The following LRRC2 variants were observed in gnomAD, a reference collection of about 807,000 sequenced individuals.
The protein encoded by LRRC2 is leucine-rich repeat-containing protein 2.
In LRRC2, 27 loss-of-function variants were observed where a neutral mutation model predicts 40.2. That is an observed-to-expected ratio of 0.67 (90% CI 0.49 to 0.93). The LOEUF is 0.93. LRRC2 is among the 40% of genes least tolerant of loss of function. LRRC2 has a pLI of 0.00. For synonymous variants in LRRC2, 147 were observed against 158.9 expected (o/e 0.92, Z 0.56); for missense variants, 402 against 439.6 (o/e 0.91, Z 0.76).
chr3:46,528,307 T>A (rs79411190), intron 6 of LRRC2, among the ~76,000 whole-genome samples: 6 of 140,366 alleles, frequency 4.3e-5, no homozygotes, highest in African/African-American at 8.0e-5. Context: ...TTTTTTTTTT[T>A]AATGAGAAAG....
chr3:46,539,802 C>G (rs1704346519), intron 3 of LRRC2, among the ~76,000 whole-genome samples: 2 of 152,188 alleles, frequency 1.3e-5, no homozygotes, highest in African/African-American at 4.8e-5. Context: ...TCCCCTAGCT[C>G]AAGTGTTCTG....
At chr3:46,542,665 C>T (rs1393951973) in intron 3 of LRRC2, among the ~76,000 whole-genome samples, 2 of 152,112 alleles carry the variant, frequency 1.3e-5, no homozygotes, top group African/African-American at 4.8e-5. Context: ...TCACAGAATT[C>T]ATCCATTTGA....
At chr3:46,560,971 G>A (rs905293341) in intron 1 of LRRC2, among the ~76,000 whole-genome samples, 2 of 152,164 alleles carry the variant, frequency 1.3e-5, no homozygotes, top group Non-Finnish European at 2.9e-5. Context: ...TTAGATTAAG[G>A]AAAATAATGC....
chr3:46,529,198 T>C (rs1291745403), intron 6 of LRRC2, among the ~76,000 whole-genome samples: 1 of 152,168 alleles, frequency 6.6e-6, no homozygotes, highest in Admixed American at 6.5e-5. Flanking sequence ...TTCTCTAGGC[T>C]TGCCATACAG....
chr3:46,545,368 G>C, intron 2 of LRRC2, 115 bp from the exon 3 acceptor site: 1 of 830,470 alleles, frequency 1.2e-6, no homozygotes, highest in Admixed American at 2.2e-5. Flanking sequence ...CCAGGCCTAC[G>C]TAAGCACTCC....
chr3:46,544,021 T>C (rs1259033886), intron 3 of LRRC2, among the ~76,000 whole-genome samples: 1 of 152,170 alleles, frequency 6.6e-6, no homozygotes, highest in Admixed American at 6.5e-5. Context: ...ATAAGAATGA[T>C]AAAAACCCAT....
At position 46,527,554 on chromosome 3, in the gene LRRC2, C is replaced by T. The variant is rs374252618; in HGVS notation, c.801G>A (p.Leu267=). The T allele has an allele frequency of 2.4e-5, 39 of 1,613,900 alleles. No homozygotes were observed. The highest frequency in any genetic ancestry group is 3.2e-5 in the Non-Finnish European group (38 of 1,179,922). The change falls in exon 7 of 9, where the codon TTG becomes TTA. Residue 267 remains leucine, a synonymous_variant. Transcript: ENST00000395905. ...GAAGGTAGGTCAACTTGTTTTTATACAAGAGAAAGCTCTGCAGCTCCTCTA... is the reference window on the plus strand; with the variant it reads ...GAAGGTAGGTCAACTTGTTTTTATATAAGAGAAAGCTCTGCAGCTCCTCTA... ...DRLEELQSFL[L]YKNKLTYLPY...
At chr3:46,547,275 T>C (rs1704546311) in intron 2 of LRRC2, among the ~76,000 whole-genome samples, 1 of 152,230 alleles carries the variant, frequency 6.6e-6, no homozygotes, top group African/African-American at 2.4e-5. Flanking sequence ...CACAGCTCTA[T>C]AGGTCTCAGT....
chr3:46,525,464 C>T (rs1371612335), intron 7 of LRRC2, among the ~76,000 whole-genome samples: 4 of 151,862 alleles, frequency 2.6e-5, no homozygotes, highest in Non-Finnish European at 5.9e-5. Context: ...TTACCCACAC[C>T]GATCTCGAAC....
At chr3:46,547,507 GA>G (rs1704551440) in intron 2 of LRRC2, among the ~76,000 whole-genome samples, 1 of 128,204 alleles carries the variant, frequency 7.8e-6, no homozygotes. Context: ...AAAAAAAAAA[GA>G]AAGCGGGGCT....
At position 46,535,271 on chromosome 3, in the gene LRRC2, A is replaced by G. The variant is rs1009223467; in HGVS notation, c.491-2362T>C. 2.0e-5 allele frequency among the ~76,000 whole-genome samples: 3 copies of G among 152,240 alleles called. No individual in the cohort carries two copies. The South Asian group carries it at 6.2e-4, about 31-fold the overall frequency. The stretch of plus-strand genomic sequence containing the variant: ...AATGATGAAAAATTGTGATACTCAC[A>G]TGTCATAAGAATTTCCAAACTGGAG... On this transcript the variant is annotated intron_variant, in intron 4 of 8. Transcript: ENST00000395905.
rs766529567 is a variant in LRRC2 at position 46,539,042 on chromosome 3, T to C, written c.490+3A>G. ...CCCGAAGACCCCTGCTAAGTTGACATACCGATTTCTGCTGGAAGATGTGAG... is the reference window on the plus strand; with the variant it reads ...CCCGAAGACCCCTGCTAAGTTGACACACCGATTTCTGCTGGAAGATGTGAG... On this transcript the variant is annotated splice_donor_region_variant and intron_variant, in intron 4 of 8. Coordinates refer to ENST00000395905, the MANE Select transcript of LRRC2 (RefSeq NM_024512.5). The C allele has an allele frequency of 6.2e-7, 1 of 1,613,354 alleles. No homozygotes were observed. Among genetic ancestry groups the C allele is most frequent in the South Asian group, 1.1e-5 (1 of 90,992 alleles).
At chr3:46,545,782 G>C (rs1704512240) in intron 2 of LRRC2, among the ~76,000 whole-genome samples, 1 of 152,142 alleles carries the variant, frequency 6.6e-6, no homozygotes, top group African/African-American at 2.4e-5. Flanking sequence ...CTATCTTTTA[G>C]AGCTTTCCAC....
intron 5 of LRRC2, among the ~76,000 whole-genome samples, chr3:46,530,784 C>G (rs2106994040): frequency 6.6e-6 from 1 of 152,274 alleles, no homozygotes; most frequent in Middle Eastern, 3.4e-3. Context: ...AGACCTGCTC[C>G]CATGATTCAA....
intron 2 of LRRC2, among the ~76,000 whole-genome samples, chr3:46,548,945 T>A (rs986180755): frequency 8.6e-5 from 13 of 151,866 alleles, no homozygotes; most frequent in Admixed American, 8.5e-4. Flanking sequence ...TGACAGGAGG[T>A]GGAGCTCAGG....
intron 1 of LRRC2, among the ~76,000 whole-genome samples, chr3:46,553,326 C>A (rs373730598): frequency 9.7e-4 from 147 of 152,322 alleles, no homozygotes; most frequent in African/African-American, 3.4e-3. Context: ...TTGCTAAATC[C>A]ATGCCCTGAT....
intron 7 of LRRC2, among the ~76,000 whole-genome samples, chr3:46,525,941 CT>C: frequency 6.6e-6 from 1 of 151,450 alleles, no homozygotes; most frequent in Non-Finnish European, 1.5e-5. Flanking sequence ...AGGTTATTTC[CT>C]TTTTTTCTTG....
At chr3:46,536,119 A>G (rs2107006542) in intron 4 of LRRC2, among the ~76,000 whole-genome samples, 1 of 152,338 alleles carries the variant, frequency 6.6e-6, no homozygotes, top group East Asian at 1.9e-4. Flanking sequence ...TTTAACATGC[A>G]TGGTTACATG....
chr3:46,536,527 C>T (rs1369415084), intron 4 of LRRC2, among the ~76,000 whole-genome samples: 3 of 152,180 alleles, frequency 2.0e-5, no homozygotes, highest in African/African-American at 7.2e-5. Context: ...GGATACCCCT[C>T]ACCCACCAAT....
Sources: gnomAD v4.1 joint callset for allele counts (sites outside exome capture counted in the v4.1 genomes callset) on GRCh38, gnomAD v4.1.1 for gene constraint, MANE v1.5 for transcripts, NCBI Gene and HGNC (gene_info 2026-07-23, HGNC 2026-07-21) for gene names.